RET: variants seen among roughly 807,000 people sequenced by gnomAD.
RET encodes the protein proto-oncogene tyrosine-protein kinase receptor Ret.
RET carries 19 observed loss-of-function variants against 118.3 expected under a neutral mutation model. The ratio of observed to expected loss-of-function variants is 0.16; its 90% confidence interval spans 0.11 to 0.24. RET has a LOEUF of 0.24. RET is among the 10% of genes least tolerant of loss of function. The pLI, the probability that RET is intolerant of heterozygous loss-of-function variation, is 1.00. For missense variants in RET, 1,219 were observed against 1,502.1 expected (o/e 0.81, Z 3.12); for synonymous variants, 597 against 644.1 (o/e 0.93, Z 1.11).
intron 10 of RET, among the ~76,000 whole-genome samples, chr10:43,113,951 A>G (rs1049983643): frequency 2.0e-5 from 3 of 152,198 alleles, no homozygotes; most frequent in African/African-American, 7.2e-5. Flanking sequence ...CCCTGTGACC[A>G]TGCAGCTGGG....
intron 1 of RET, among the ~76,000 whole-genome samples, chr10:43,080,154 G>C (rs1159816010): frequency 1.3e-5 from 2 of 152,220 alleles, no homozygotes; most frequent in African/African-American, 4.8e-5. Context: ...CACCTAGCGG[G>C]GAGCTAATAG....
In RET at chr10:43,105,060, T is replaced by C. The variant is rs2132705500; in HGVS notation, c.734T>C (p.Val245Ala). 1.2e-6 allele frequency: 2 copies of C among 1,609,700 alleles called. No homozygotes were observed. Among genetic ancestry groups the C allele is most frequent in the Non-Finnish European group, 1.7e-6 (2 of 1,179,600 alleles). The change falls in exon 4 of 20, where the codon GTG (valine) becomes GCG (alanine). Residue 245 changes from valine (V) to alanine (A), a missense_variant. Around this residue, in one of 5 missense-constraint regions of RET, gnomAD observed 850 missense variants for 969.6 expected, o/e 0.88. Coordinates refer to ENST00000355710, the MANE Select transcript of RET (RefSeq NM_020975.6). ...TACGAGCTGGTGGCCGTGTGCACCG[T>C]GCACGCCGGCGCGCGCGAGGAGGTG... ...EKYELVAVCTVHAGAREEVVM... is the reference protein window; with the variant it reads ...EKYELVAVCTAHAGAREEVVM...
chr10:43,105,562 G>C (rs918481003), intron 4 of RET, among the ~76,000 whole-genome samples: 1 of 152,214 alleles, frequency 6.6e-6, no homozygotes, highest in African/African-American at 2.4e-5. Context: ...ACCACGAGCA[G>C]AGCCGGGGAT....
chr10:43,099,609 C>T (rs1325058694), intron 1 of RET, among the ~76,000 whole-genome samples: 2 of 152,062 alleles, frequency 1.3e-5, no homozygotes, highest in Admixed American at 6.6e-5. Context: ...TACTGACAAA[C>T]GAATATGCCC....
chr10:43,105,598 C>A (rs1235358878), intron 4 of RET, among the ~76,000 whole-genome samples: 3 of 152,188 alleles, frequency 2.0e-5, no homozygotes, highest in Non-Finnish European at 4.4e-5. Flanking sequence ...AGGCGGATCA[C>A]CTCCGGCGCC....
chr10:43,120,593 T>C (rs984121531), intron 15 of RET, among the ~76,000 whole-genome samples: 2 of 152,194 alleles, frequency 1.3e-5, no homozygotes, highest in African/African-American at 4.8e-5. Context: ...CGTCATTCTT[T>C]GCAAAAAGGA....
Position 43,128,766 on chromosome 10 carries a change from G to GC in RET, c.*497_*498insC. The GC allele has an allele frequency of 3.5e-6, 1 of 288,900 alleles. No homozygotes were observed. The highest frequency in any genetic ancestry group is 6.6e-6 in the Non-Finnish European group (1 of 151,874). The allele number at this position is 288,900 out of a possible 1,614,324, so 17.9% of individuals were successfully genotyped here. A position where few individuals can be genotyped will look rare whatever the true frequency, so the allele number is the denominator to read the frequency against. On this transcript the variant is annotated 3_prime_UTR_variant, in exon 20 of 20. Coordinates refer to ENST00000355710, the MANE Select transcript of RET (RefSeq NM_020975.6). ...TATTCAGAATGAGAGACTGCGGGGG[G>GC]GGCCTGGGGGTAGTGTCAATGCCCC...
chr10:43,123,047 C>T (rs144845088), intron 16 of RET, among the ~76,000 whole-genome samples: 1 of 152,196 alleles, frequency 6.6e-6, no homozygotes, highest in Non-Finnish European at 1.5e-5. Context: ...TGGACCACAC[C>T]GCCCAGTGAC....
chr10:43,116,855 TG>T, intron 12 of RET, 124 bp downstream of exon 12: 1 of 1,248,410 alleles, frequency 8.0e-7, no homozygotes, highest in Non-Finnish European at 1.1e-6. Context: ...CGGCTGCAGT[TG>T]GGGGACCCCT....
chr10:43,096,611 C>A (rs188905011), intron 1 of RET, among the ~76,000 whole-genome samples: 1 of 152,170 alleles, frequency 6.6e-6, no homozygotes, highest in Non-Finnish European at 1.5e-5. Flanking sequence ...TCCCCCACTT[C>A]GAAGCTGGGG....
At position 43,105,144 on chromosome 10, in the gene RET, C is replaced by T; in HGVS notation, c.818C>T (p.Pro273Leu). 1 of 1,612,728 alleles carries T rather than the reference C, an allele frequency of 6.2e-7. No homozygotes were observed. Among genetic ancestry groups the T allele is most frequent in the Non-Finnish European group, 8.5e-7 (1 of 1,179,874 alleles). ...GAGGACGACTCGGCGCCCACCTTCCCCGCGGGCGTCGACACCGCCAGCGCC... is the reference window on the plus strand; with the variant it reads ...GAGGACGACTCGGCGCCCACCTTCCTCGCGGGCGTCGACACCGCCAGCGCC... Reference protein sequence around the residue: ...YDEDDSAPTFPAGVDTASAVV... With the variant: ...YDEDDSAPTFLAGVDTASAVV... Residue 273 changes from proline to leucine, a missense_variant, in exon 4 of 20, where the codon CCC becomes CTC. Around this residue, in one of 5 missense-constraint regions of RET, gnomAD observed 850 missense variants for 969.6 expected, o/e 0.88. Transcript: ENST00000355710.
rs2132964815 is a variant in RET, at chr10:43,120,197, G to A, written c.2724G>A (p.Arg908=). ...DVYEEDSYVK[R]SQGRIPVKWM... is the part of the protein sequence containing the mutation. ...ATGAAGAGGATTCCTACGTGAAGAGGAGCCAGGTGCCCAGTCCCGGGGATG... is the reference window on the plus strand; with the variant it reads ...ATGAAGAGGATTCCTACGTGAAGAGAAGCCAGGTGCCCAGTCCCGGGGATG... Residue 908 remains arginine (R), a synonymous_variant, in exon 15 of 20, where the codon AGG becomes AGA. Coordinates refer to ENST00000355710, the MANE Select transcript of RET (RefSeq NM_020975.6). 1 of 1,612,730 alleles carries A rather than the reference G, an allele frequency of 6.2e-7. No individual in the cohort carries two copies. The highest frequency in any genetic ancestry group is 8.5e-7 in the Non-Finnish European group (1 of 1,179,992).
intron 7 of RET, 97 bp from the exon 8 acceptor site, chr10:43,112,002 T>C: frequency 3.3e-6 from 5 of 1,513,664 alleles, no homozygotes; most frequent in Non-Finnish European, 4.4e-6. Flanking sequence ...GCTCCATCCG[T>C]GGGCAGCTCA....
At chr10:43,078,477 C>T (rs138888492) in intron 1 of RET, among the ~76,000 whole-genome samples, 98 of 152,380 alleles carry the variant, frequency 6.4e-4, no homozygotes, top group Non-Finnish European at 1.3e-3. Flanking sequence ...GAGGCCAGAG[C>T]GGGTCCCCAG....
chr10:43,099,292 C>T (rs1837584368), intron 1 of RET, among the ~76,000 whole-genome samples: 1 of 151,970 alleles, frequency 6.6e-6, no homozygotes, highest in Admixed American at 6.6e-5. Flanking sequence ...GGCGGATCGC[C>T]GGAGGTTGAG....
intron 17 of RET, 70 bp downstream of exon 17, chr10:43,123,878 C>T: frequency 6.2e-7 from 1 of 1,606,140 alleles, no homozygotes; most frequent in African/African-American, 1.3e-5. Flanking sequence ...ATTCCCTCCC[C>T]ATCCAGAGCA....
chr10:43,104,704 G>A, intron 3 of RET: 2 of 620,328 alleles, frequency 3.2e-6, no homozygotes, highest in Admixed American at 3.0e-5. Flanking sequence ...CAGCACGAGT[G>A]AGGACGCAGC....
chr10:43,078,312 C>T (rs1837097372), intron 1 of RET, among the ~76,000 whole-genome samples: 1 of 152,236 alleles, frequency 6.6e-6, no homozygotes, highest in Non-Finnish European at 1.5e-5. Context: ...TCCTCCCTCA[C>T]TCCTTACAAA....
chr10:43,113,520 G>C (rs528636467), intron 9 of RET, 36 bp from the exon 10 acceptor site: 3 of 1,579,158 alleles, frequency 1.9e-6, no homozygotes, highest in Non-Finnish European at 1.7e-6. Context: ...GTGGTCAGGC[G>C]CCCCAGGAGG....
Sources: gnomAD v4.1 joint callset for allele counts (sites outside exome capture counted in the v4.1 genomes callset) on GRCh38, gnomAD v4.1.1 for gene constraint, gnomAD v4.1.1 regional missense constraint, MANE v1.5 for transcripts, NCBI Gene and HGNC (gene_info 2026-07-23, HGNC 2026-07-21) for gene names.